RXFP1: variants seen among roughly 807,000 people sequenced by gnomAD.
The protein encoded by RXFP1 is relaxin family peptide receptor 1, also known as relaxin receptor 1.
In RXFP1, 73 loss-of-function variants were observed where a neutral mutation model predicts 89.8. The ratio of observed to expected loss-of-function variants is 0.81; its 90% CI spans 0.67 to 0.99. RXFP1 has a LOEUF of 0.99. RXFP1 is among the 50% of genes least tolerant of loss of function. The probability of loss-of-function intolerance (pLI) is 0.00; values close to 1 mark genes in which losing one functional copy is unlikely to be tolerated. For missense variants in RXFP1, 793 were observed against 895.5 expected, an observed-to-expected ratio of 0.89 and a Z score of 1.46; for synonymous variants, 277 against 305.5, an observed-to-expected ratio of 0.91 and a Z score of 0.97.
chr4:158,628,954 G>T lies in RXFP1; in HGVS notation c.899+245G>T, dbSNP rs1767486068. Among the ~76,000 whole-genome samples the T allele has an allele frequency of 2.7e-5, 3 of 112,660 alleles. 1 individual carries two copies. Among genetic ancestry groups the T allele is most frequent in the Non-Finnish European group, 5.5e-5 (3 of 54,846 alleles). The allele number at this position is 112,660 out of a possible 152,430, so 73.9% of individuals were successfully genotyped here. A position where few individuals can be genotyped will look rare whatever the true frequency, so the allele number is the denominator to read the frequency against. Reference sequence around the variant, plus strand: ...CAGCTGTAAAGAAATAATAAAGCCAGTATAAAATTAATAAATAAAATACAT... The same window carrying T: ...CAGCTGTAAAGAAATAATAAAGCCATTATAAAATTAATAAATAAAATACAT... On this transcript the variant is annotated intron_variant, in intron 11 of 17. Transcript: ENST00000307765.
chr4:158,568,275 A>T (rs1754188739), intron 1 of RXFP1, among the ~76,000 whole-genome samples: 1 of 152,244 alleles, frequency 6.6e-6, no homozygotes, highest in Admixed American at 6.5e-5. Flanking sequence ...AGAACCCACC[A>T]ATTCCGGACA....
chr4:158,600,648 G>A (rs1366389161), intron 4 of RXFP1, among the ~76,000 whole-genome samples: 1 of 151,954 alleles, frequency 6.6e-6, no homozygotes, highest in East Asian at 1.9e-4. Context: ...GCAACACAGA[G>A]AGAGCCCATC....
intron 2 of RXFP1, among the ~76,000 whole-genome samples, chr4:158,574,983 G>A (rs1003643396): frequency 1.3e-5 from 2 of 152,090 alleles, no homozygotes; most frequent in Admixed American, 1.3e-4. Context: ...TCAGTTCCCC[G>A]TCGACCTGCT....
At chr4:158,575,551 GA>G (rs1363352162) in intron 2 of RXFP1, among the ~76,000 whole-genome samples, 2 of 152,126 alleles carry the variant, frequency 1.3e-5, no homozygotes, top group East Asian at 3.9e-4. Flanking sequence ...AGGAATACGT[GA>G]GGTCATAAGA....
intron 10 of RXFP1, among the ~76,000 whole-genome samples, chr4:158,627,525 G>A (rs181083875): frequency 8.6e-5 from 13 of 150,612 alleles, no homozygotes; most frequent in Non-Finnish European, 1.3e-4. Flanking sequence ...GTGTGTGTGT[G>A]TGTGTGTGTG....
At chr4:158,615,817 C>T (rs542668866) in intron 8 of RXFP1, among the ~76,000 whole-genome samples, 35 of 151,882 alleles carry the variant, frequency 2.3e-4, no homozygotes, top group South Asian at 1.0e-3. Context: ...CAGAGCATGG[C>T]GACACATGCC....
intron 9 of RXFP1, among the ~76,000 whole-genome samples, chr4:158,620,998 C>T (rs542028375): frequency 8.7e-4 from 132 of 151,856 alleles, no homozygotes; most frequent in African/African-American, 2.6e-3. Context: ...TTTAGCTGGG[C>T]GTGGTGGTGG....
intron 1 of RXFP1, among the ~76,000 whole-genome samples, chr4:158,551,867 G>A (rs562131001): frequency 6.7e-6 from 1 of 150,126 alleles, no homozygotes; most frequent in African/African-American, 2.5e-5. Flanking sequence ...CTTGAGCCCA[G>A]GAGGTCAAGG....
chr4:158,574,393 G>A (rs754497169), intron 2 of RXFP1, among the ~76,000 whole-genome samples: 60 of 152,102 alleles, frequency 3.9e-4, no homozygotes, highest in Middle Eastern at 3.4e-3. Flanking sequence ...CCTCCTACTT[G>A]AAAAAAATCA....
chr4:158,608,289 T>C (rs899229618), intron 6 of RXFP1, among the ~76,000 whole-genome samples: 1 of 127,680 alleles, frequency 7.8e-6, no homozygotes, highest in Non-Finnish European at 1.7e-5. Flanking sequence ...CTTTTTTTTT[T>C]TTTTTTTTTT....
intron 1 of RXFP1, among the ~76,000 whole-genome samples, chr4:158,527,403 C>T (rs565757714): frequency 1.8e-4 from 27 of 151,116 alleles, no homozygotes; most frequent in African/African-American, 5.1e-4. Context: ...GTTAGCCGGG[C>T]GTGGTGGTGG....
intron 1 of RXFP1, among the ~76,000 whole-genome samples, chr4:158,542,109 A>ATATATATATATATATATATATATTTT: frequency 2.8e-5 from 1 of 35,238 alleles, no homozygotes; most frequent in Admixed American, 5.6e-4. Flanking sequence ...ATATATATAT[A>ATATATATATATATATATATATATTTT]TTTTTTTTTT....
Position 158,543,914 on chromosome 4 carries a change from CT to C in RXFP1, c.49+21890del, listed in dbSNP as rs932888555. 3.0e-6 allele frequency: 3 copies of C among 985,284 alleles called. No individual in the cohort carries two copies. The African/African-American group carries it at 5.2e-5, about 17-fold the overall frequency. The allele number at this position is 985,284 out of a possible 1,614,324, so 61.0% of individuals were successfully genotyped here. A position where few individuals can be genotyped will look rare whatever the true frequency, so the allele number is the denominator to read the frequency against. On this transcript the variant is annotated intron_variant, in intron 1 of 17. Transcript: ENST00000307765. The stretch of plus-strand genomic sequence containing the variant: ...CATTCAAGAATAAAGCAAAACTCTA[CT>C]GAATATCGATATAGTAGTATCTGCC...
At chr4:158,536,549 AAT>A (rs1417765299) in intron 1 of RXFP1, among the ~76,000 whole-genome samples, 1 of 152,208 alleles carries the variant, frequency 6.6e-6, no homozygotes, top group Non-Finnish European at 1.5e-5. Context: ...TTAAAATAAG[AAT>A]ACATTCAATC....
chr4:158,587,391 A>G (rs978247848), intron 2 of RXFP1, among the ~76,000 whole-genome samples: 1 of 152,214 alleles, frequency 6.6e-6, no homozygotes, highest in African/African-American at 2.4e-5. Context: ...GATTTGCAAT[A>G]CTTTCATTGA....
At chr4:158,568,412 A>C (rs904327623) in intron 1 of RXFP1, among the ~76,000 whole-genome samples, 1 of 152,272 alleles carries the variant, frequency 6.6e-6, no homozygotes, top group Non-Finnish European at 1.5e-5. Flanking sequence ...AAACACAGGC[A>C]GGTATGGCCA....
In RXFP1 at chr4:158,562,299, C is replaced by T. The variant is rs549365407; in HGVS notation, c.50-10399C>T. On this transcript the variant is annotated intron_variant, in intron 1 of 17. Coordinates refer to ENST00000307765, the MANE Select transcript of RXFP1 (RefSeq NM_021634.4). ...TTTCACTTTGGGAGGCCGAGGCGGG[C>T]GGATCACGAGGTCAGGAGATCGAGA... Among the ~76,000 whole-genome samples the T allele has an allele frequency of 1.1e-4, 17 of 151,702 alleles. No individual in the cohort carries two copies. In the South Asian group the frequency reaches 3.1e-3, roughly 28 times the overall value.
At chr4:158,564,212 T>C (rs1753095240) in intron 1 of RXFP1, among the ~76,000 whole-genome samples, 2 of 152,120 alleles carry the variant, frequency 1.3e-5, no homozygotes, top group Non-Finnish European at 2.9e-5. Context: ...CATAACAATA[T>C]GTTTTCATAT....
At chr4:158,550,443 C>G (rs184294897) in intron 1 of RXFP1, among the ~76,000 whole-genome samples, 2 of 152,208 alleles carry the variant, frequency 1.3e-5, no homozygotes, top group Non-Finnish European at 2.9e-5. Flanking sequence ...ACACCTGGTG[C>G]GCTGCACCCA....
Sources: gnomAD v4.1 joint callset for allele counts (sites outside exome capture counted in the v4.1 genomes callset) on GRCh38, gnomAD v4.1.1 for gene constraint, MANE v1.5 for transcripts, NCBI Gene and HGNC (gene_info 2026-07-23, HGNC 2026-07-21) for gene names.